PHIP: variants seen among roughly 807,000 people sequenced by gnomAD.
PHIP encodes the protein PH-interacting protein.
PHIP carries 54 observed loss-of-function variants against 236.8 expected under a neutral mutation model. That is an observed-to-expected ratio of 0.23 (90% CI 0.18 to 0.29). PHIP has a LOEUF of 0.29. Among genes scored for constraint, PHIP ranks in the 10% least tolerant of loss-of-function variants. The pLI, the probability that PHIP is intolerant of heterozygous loss-of-function variation, is 1.00. For synonymous variants in PHIP, 756 were observed against 718.9 expected (o/e 1.05, Z -0.83); for missense variants, 1,370 against 2,190.8 (o/e 0.63, Z 7.48).
At position 78,948,937 on chromosome 6, in the gene PHIP, A is replaced by T. The variant is rs147756575; in HGVS notation, c.4054-1162T>A. On this transcript the variant is annotated intron_variant, in intron 35 of 39. Coordinates refer to ENST00000275034, the MANE Select transcript of PHIP (RefSeq NM_017934.7). ...ATAAGGTAGGATTACTGCCTTTACA[A>T]ATTTTTATTTCTTCCTTTCCAATAG... Among the ~76,000 whole-genome samples, 95 of 152,244 alleles carry T rather than the reference A, an allele frequency of 6.2e-4. 1 individual carries two copies. In the South Asian group the frequency reaches 8.1e-3, roughly 13 times the overall value.
At chr6:78,945,683 C>T (rs1036951008) in intron 38 of PHIP, 186 bp from the exon 39 acceptor site, 1 of 618,102 alleles carries the variant, frequency 1.6e-6, no homozygotes, top group African/African-American at 1.9e-5. Context: ...ATAGTTTCAG[C>T]CCTTTTAGAA....
chr6:78,969,104 A>C (rs1767351560), intron 27 of PHIP, among the ~76,000 whole-genome samples: 2 of 152,240 alleles, frequency 1.3e-5, no homozygotes, highest in African/African-American at 4.8e-5. Flanking sequence ...CATGAGATGT[A>C]AATTTTCTTT....
rs9352689 is a variant in PHIP, at chr6:79,073,097, C to T, written c.189+4351G>A. On this transcript the variant is annotated intron_variant, in intron 4 of 39. Transcript: ENST00000275034. ...AAACCATTATGGTTTGGGAAAGGGA[C>T]ATTCCAGCTCCCGCTTTATGCTCAT... 7.2e-5 allele frequency among the ~76,000 whole-genome samples: 11 copies of T among 152,296 alleles called. No individual in the cohort carries two copies. In the East Asian group the frequency reaches 1.2e-3, roughly 16 times the overall value.
At chr6:79,049,129 G>A (rs1040377284) in intron 6 of PHIP, among the ~76,000 whole-genome samples, 1 of 151,402 alleles carries the variant, frequency 6.6e-6, no homozygotes, top group African/African-American at 2.4e-5. Context: ...GAGTATACTG[G>A]CACAATCTCT....
intron 21 of PHIP, among the ~76,000 whole-genome samples, chr6:78,986,178 A>AT (rs1353660020): frequency 2.0e-5 from 3 of 152,222 alleles, no homozygotes; most frequent in African/African-American, 7.2e-5. Context: ...GCTGTCCCAT[A>AT]TAAAAAAGGA....
chr6:78,974,998 A>G (rs1045922020), intron 24 of PHIP, among the ~76,000 whole-genome samples: 3 of 151,688 alleles, frequency 2.0e-5, no homozygotes, highest in African/African-American at 7.3e-5. Flanking sequence ...ATAGAAAAAG[A>G]GGGAATCCCC....
intron 6 of PHIP, among the ~76,000 whole-genome samples, chr6:79,050,641 A>C (rs978595252): frequency 1.3e-5 from 2 of 152,162 alleles, no homozygotes; most frequent in African/African-American, 4.8e-5. Flanking sequence ...TTTATAACTC[A>C]ATCTACCTCA....
intron 36 of PHIP, 85 bp from the exon 37 acceptor site, chr6:78,946,959 C>A: frequency 2.7e-6 from 2 of 743,730 alleles, no homozygotes; most frequent in East Asian, 3.2e-5. Context: ...AATATTTTTC[C>A]AGTAAAAAAT....
intron 23 of PHIP, among the ~76,000 whole-genome samples, chr6:78,981,911 G>C (rs1768563172): frequency 6.6e-6 from 1 of 151,958 alleles, no homozygotes; most frequent in Non-Finnish European, 1.5e-5. Context: ...AAGAAAAACA[G>C]CAGCTGTGGA....
chr6:78,947,163 C>T (rs555972789), intron 36 of PHIP, among the ~76,000 whole-genome samples: 17 of 152,172 alleles, frequency 1.1e-4, no homozygotes, highest in African/African-American at 3.6e-4. Flanking sequence ...AACTTTATTA[C>T]ACTGAAACTA....
chr6:79,069,560 T>C (rs995148215), intron 4 of PHIP, among the ~76,000 whole-genome samples: 2 of 152,056 alleles, frequency 1.3e-5, no homozygotes, highest in Admixed American at 6.6e-5. Flanking sequence ...ATAGGAGAAA[T>C]AGTAATCAAA....
chr6:79,020,104 G>C (rs1304995022), intron 9 of PHIP, among the ~76,000 whole-genome samples: 1 of 151,756 alleles, frequency 6.6e-6, no homozygotes, highest in Admixed American at 6.6e-5. Flanking sequence ...CTGGAAAAAA[G>C]TATATACATA....
intron 15 of PHIP, among the ~76,000 whole-genome samples, chr6:79,005,379 AAAGACTAT>A (rs1351626556): frequency 1.3e-5 from 2 of 152,002 alleles, no homozygotes; most frequent in South Asian, 2.1e-4. Flanking sequence ...GCCAAAAATG[AAAGACTAT>A]AAGTACAAAT....
At chr6:78,955,896 C>G (rs1766389370) in intron 32 of PHIP, 1 of 294,076 alleles carries the variant, frequency 3.4e-6, no homozygotes, top group African/African-American at 2.1e-5. Context: ...TATATCATTA[C>G]ACCAAACCCA....
At chr6:79,064,083 C>T (rs1367126461) in intron 4 of PHIP, among the ~76,000 whole-genome samples, 2 of 152,046 alleles carry the variant, frequency 1.3e-5, no homozygotes, top group African/African-American at 2.4e-5. Flanking sequence ...AACCTATCTA[C>T]ACCTGTACCA....
intron 35 of PHIP, 140 bp downstream of exon 35, chr6:78,954,674 A>T: frequency 1.8e-6 from 1 of 568,286 alleles, no homozygotes; most frequent in Non-Finnish European, 2.9e-6. Flanking sequence ...TTCTCTATGT[A>T]GCCAAATGGA....
At chr6:78,953,809 C>G (rs2127689792) in intron 35 of PHIP, among the ~76,000 whole-genome samples, 1 of 152,248 alleles carries the variant, frequency 6.6e-6, no homozygotes, top group Non-Finnish European at 1.5e-5. Flanking sequence ...TGGTCTTGAA[C>G]TCCTGGCCTC....
At chr6:78,944,216 A>T (rs1440563903) in intron 39 of PHIP, among the ~76,000 whole-genome samples, 2 of 152,102 alleles carry the variant, frequency 1.3e-5, no homozygotes, top group Non-Finnish European at 2.9e-5. Context: ...AGGTAAAAGA[A>T]CCTGGAATGT....
At chr6:79,006,944 GAAAAT>G (rs1770322624) in intron 15 of PHIP, among the ~76,000 whole-genome samples, 1 of 151,870 alleles carries the variant, frequency 6.6e-6, no homozygotes, top group Non-Finnish European at 1.5e-5. Flanking sequence ...GGAGTAAAAA[GAAAAT>G]AAAAGTATAT....
Sources: gnomAD v4.1 joint callset for allele counts (sites outside exome capture counted in the v4.1 genomes callset) on GRCh38, gnomAD v4.1.1 for gene constraint, MANE v1.5 for transcripts, NCBI Gene and HGNC (gene_info 2026-07-23, HGNC 2026-07-21) for gene names.